FAM161A: variants seen among roughly 807,000 people sequenced by gnomAD.
FAM161A encodes protein FAM161A.
FAM161A carries 57 observed loss-of-function variants against 70.9 expected under a neutral mutation model. The observed-to-expected ratio is 0.80, with a 90% CI of 0.65 to 1.00. The LOEUF (loss-of-function observed/expected upper bound fraction) is 1.00. Among genes scored for constraint, FAM161A ranks in the 50% least tolerant of loss-of-function variants. The probability of loss-of-function intolerance (pLI) is 0.00; values close to 1 mark genes in which losing one functional copy is unlikely to be tolerated. For missense variants in FAM161A, 880 were observed against 836.0 expected (o/e 1.05, Z -0.65); for synonymous variants, 299 against 295.7 (o/e 1.01, Z -0.12).
chr2:61,848,097 C>T (rs563574895), intron 1 of FAM161A, among the ~76,000 whole-genome samples: 14 of 152,280 alleles, frequency 9.2e-5, no homozygotes, highest in South Asian at 4.1e-4. Context: ...AGAATCTATG[C>T]GCTCTCATTC....
the FAM161A span, among the ~76,000 whole-genome samples, chr2:61,812,116 A>T: frequency 6.6e-6 from 1 of 151,992 alleles, no homozygotes. Context: ...CTTATTAGAG[A>T]GGCCTTCTTG....
rs769885137 is a variant in FAM161A at position 61,827,262 on chromosome 2, T to C, written c.1852-4A>G. The C allele has an allele frequency of 5.6e-6, 9 of 1,612,614 alleles. No individual in the cohort carries two copies. In the South Asian group the frequency reaches 8.8e-5, roughly 16 times the overall value. On this transcript the variant is annotated splice_region_variant and splice_polypyrimidine_tract_variant and intron_variant, in intron 5 of 6. Transcript: ENST00000404929. Reference sequence around the variant, plus strand: ...CTGCTGCCATTCTTGCATTTTTCTATAGGAAAGACAAACCTTTTTAGACGA... The same window carrying C: ...CTGCTGCCATTCTTGCATTTTTCTACAGGAAAGACAAACCTTTTTAGACGA...
the FAM161A span, among the ~76,000 whole-genome samples, chr2:61,816,682 G>T: frequency 6.6e-6 from 1 of 152,060 alleles, no homozygotes; most frequent in South Asian, 2.1e-4. Flanking sequence ...TGTTGCCCAG[G>T]CTGGTCTCGA....
At chr2:61,853,447 T>C (rs943395188) in intron 1 of FAM161A, among the ~76,000 whole-genome samples, 6 of 152,182 alleles carry the variant, frequency 3.9e-5, no homozygotes, top group African/African-American at 1.4e-4. Context: ...AGCACTATGT[T>C]GAGATCCGCT....
the FAM161A span, among the ~76,000 whole-genome samples, chr2:61,813,638 G>A: frequency 6.8e-6 from 1 of 147,560 alleles, no homozygotes; most frequent in Non-Finnish European, 1.5e-5. Context: ...AGGATCACTT[G>A]AGACCAGGAG....
At chr2:61,851,380 A>C (rs982390419) in intron 1 of FAM161A, among the ~76,000 whole-genome samples, 1 of 152,050 alleles carries the variant, frequency 6.6e-6, no homozygotes, top group Non-Finnish European at 1.5e-5. Context: ...TCTGTTGCCC[A>C]GGCTGGAGTG....
the FAM161A span, among the ~76,000 whole-genome samples, chr2:61,810,179 T>G: frequency 6.6e-6 from 1 of 152,086 alleles, no homozygotes; most frequent in Non-Finnish European, 1.5e-5. Flanking sequence ...TGAAACTAAA[T>G]TATACAGGAG....
chr2:61,824,451 AT>A (rs1292482910), downstream of FAM161A, among the ~76,000 whole-genome samples: 7 of 152,146 alleles, frequency 4.6e-5, no homozygotes, highest in Non-Finnish European at 7.3e-5. Flanking sequence ...AGTGTATCTC[AT>A]TTAAGTACAA....
At chr2:61,829,752 A>C (rs983797813) in intron 5 of FAM161A, among the ~76,000 whole-genome samples, 1 of 152,228 alleles carries the variant, frequency 6.6e-6, no homozygotes, top group African/African-American at 2.4e-5. Flanking sequence ...ATTCAATTTA[A>C]CATCTTCTCA....
chr2:61,824,328 T>A (rs1672278418), downstream of FAM161A, among the ~76,000 whole-genome samples: 1 of 152,070 alleles, frequency 6.6e-6, no homozygotes, highest in African/African-American at 2.4e-5. Context: ...CAGAATGATT[T>A]GAAACTGTCA....
Position 61,839,292 on chromosome 2 carries a change from T to C in FAM161A, c.1583+129A>G, listed in dbSNP as rs549456440. 3.3e-3 allele frequency: 2,482 copies of C among 759,986 alleles called. 51 individuals are homozygous for C. The highest frequency in any genetic ancestry group is 5.4e-3 in the Middle Eastern group (15 of 2,792). 47.1% of individuals were successfully genotyped at this position (759,986 alleles called of 1,614,324 possible). On this transcript the variant is annotated intron_variant, in intron 3 of 6. Transcript: ENST00000404929. ...CTCTGACAAAATATCATATATTATA[T>C]AGTAAAATATCTTATAGATACAATA...
the FAM161A span, among the ~76,000 whole-genome samples, chr2:61,804,812 A>AAGAAAG: frequency 2.7e-5 from 4 of 149,682 alleles, no homozygotes; most frequent in Non-Finnish European, 4.5e-5. Flanking sequence ...GAAAGAAAGA[A>AAGAAAG]AGAAAGAGAA....
chr2:61,839,454 G>C lies in FAM161A; in HGVS notation c.1550C>G (p.Thr517Arg), dbSNP rs763507072. ...VPCNCNPPVP[T>R]VSSRGREQAV... ...TTGTTCTCGTCCTCTGGAAGATACC[G>C]TGGGCACGGGAGGGTTGCAGTTACA... is the stretch of plus-strand genomic sequence containing the variant. Residue 517 changes from threonine to arginine, a missense_variant, in exon 3 of 7, where the codon ACG (threonine) becomes AGG (arginine). Transcript: ENST00000404929. The C allele has an allele frequency of 6.2e-7, 1 of 1,614,004 alleles. No individual in the cohort carries two copies. Among genetic ancestry groups the C allele is most frequent in the Admixed American group, 1.7e-5 (1 of 59,984 alleles).
the FAM161A span, among the ~76,000 whole-genome samples, chr2:61,802,187 A>G: frequency 6.6e-6 from 1 of 152,148 alleles, no homozygotes; most frequent in Admixed American, 6.5e-5. Context: ...GTGAGTGTCA[A>G]TTCTTCCATT....
chr2:61,806,967 C>G, the FAM161A span, among the ~76,000 whole-genome samples: 1 of 152,110 alleles, frequency 6.6e-6, no homozygotes, highest in Non-Finnish European at 1.5e-5. Context: ...GCTGGGATTA[C>G]AGGCGTGAGC....
In FAM161A at chr2:61,835,972, A is replaced by C. The variant is rs576325222; in HGVS notation, c.1851+38T>G. 54 of 1,451,446 alleles carry C rather than the reference A, an allele frequency of 3.7e-5. No homozygotes were observed. In the African/African-American group the frequency reaches 5.5e-4, roughly 15 times the overall value. The allele number at this position is 1,451,446 out of a possible 1,614,324, so 89.9% of individuals were successfully genotyped here. A position where few individuals can be genotyped will look rare whatever the true frequency, so the allele number is the denominator to read the frequency against. On this transcript the variant is annotated intron_variant, in intron 5 of 6. Coordinates refer to ENST00000404929, the MANE Select transcript of FAM161A (RefSeq NM_001201543.2). Reference sequence around the variant, plus strand: ...AGCTAAAGCTGTAAAAAAAAAAAAAAAAACTGACGATAGCTCTTAAATTCC... The same window carrying C: ...AGCTAAAGCTGTAAAAAAAAAAAAACAAACTGACGATAGCTCTTAAATTCC...
At chr2:61,845,702 GGAGGATCACTT>G (rs1265749965) in intron 1 of FAM161A, among the ~76,000 whole-genome samples, 5 of 151,932 alleles carry the variant, frequency 3.3e-5, no homozygotes, top group Non-Finnish European at 7.4e-5. Context: ...GGCTGAGGTG[GGAGGATCACTT>G]GAGCCCAGGA....
chr2:61,851,263 G>C (rs1472356428), intron 1 of FAM161A, among the ~76,000 whole-genome samples: 1 of 152,158 alleles, frequency 6.6e-6, no homozygotes, highest in African/African-American at 2.4e-5. Flanking sequence ...TTAATGACTA[G>C]CACTTAATAA....
At chr2:61,820,564 G>C, downstream of FAM161A, 1 of 738,210 alleles carries the variant, frequency 1.4e-6, no homozygotes, top group Non-Finnish European at 2.5e-6. Context: ...TCACCTAAGA[G>C]ACAGTAGGAT....
Sources: gnomAD v4.1 joint callset for allele counts (sites outside exome capture counted in the v4.1 genomes callset) on GRCh38, gnomAD v4.1.1 for gene constraint, MANE v1.5 for transcripts, NCBI Gene and HGNC (gene_info 2026-07-23, HGNC 2026-07-21) for gene names.